The following TEX2 variants were observed in gnomAD, a reference collection of about 807,000 sequenced individuals.
The protein encoded by TEX2 is testis-expressed protein 2.
In TEX2, 53 loss-of-function variants were observed where a neutral mutation model predicts 106.9. The ratio of observed to expected loss-of-function variants is 0.50; its 90% CI spans 0.40 to 0.62. The LOEUF is 0.62. TEX2 is among the 20% of genes least tolerant of loss of function. The probability of loss-of-function intolerance (pLI) is 0.00; values close to 1 mark genes in which losing one functional copy is unlikely to be tolerated. For missense variants in TEX2, 1,207 were observed against 1,379.0 expected, an observed-to-expected ratio of 0.88 and a Z score of 1.98; for synonymous variants, 523 against 534.8, an observed-to-expected ratio of 0.98 and a Z score of 0.30.
chr17:64,175,876 G>C (rs1215229812), intron 6 of TEX2, among the ~76,000 whole-genome samples: 1 of 152,188 alleles, frequency 6.6e-6, no homozygotes. Context: ...GCTTACAGAA[G>C]GGCTCGAGAT....
At chr17:64,227,054 C>T (rs1180976513) in intron 1 of TEX2, among the ~76,000 whole-genome samples, 3 of 151,710 alleles carry the variant, frequency 2.0e-5, no homozygotes, top group Admixed American at 6.6e-5. Flanking sequence ...GGTGAAACCC[C>T]GCCTCTACTG....
At chr17:64,197,817 GCCTC>G (rs1405512228) in intron 2 of TEX2, among the ~76,000 whole-genome samples, 1 of 152,034 alleles carries the variant, frequency 6.6e-6, no homozygotes, top group Admixed American at 6.6e-5. Context: ...TCCCACCTTG[GCCTC>G]CCAAAGTGCT....
At chr17:64,188,569 C>A (rs1364968861) in intron 4 of TEX2, 154 bp from the exon 5 acceptor site, 6 of 1,254,938 alleles carry the variant, frequency 4.8e-6, no homozygotes, top group Non-Finnish European at 6.5e-6. Context: ...GTAATCCCAG[C>A]ACTTTGAGAG....
At chr17:64,171,873 G>A (rs923266490) in intron 6 of TEX2, among the ~76,000 whole-genome samples, 44 of 151,682 alleles carry the variant, frequency 2.9e-4, no homozygotes, top group East Asian at 7.8e-4. Context: ...CCAGCTACTC[G>A]GAGAGGCTGA....
intron 1 of TEX2, among the ~76,000 whole-genome samples, chr17:64,232,115 C>A (rs1169967610): frequency 6.6e-5 from 10 of 152,120 alleles, no homozygotes; most frequent in South Asian, 6.2e-4. Flanking sequence ...ACATATACAT[C>A]GTAATACAAA....
At chr17:64,237,547 T>C (rs1316298360) in intron 1 of TEX2, among the ~76,000 whole-genome samples, 6 of 151,918 alleles carry the variant, frequency 3.9e-5, no homozygotes, top group African/African-American at 1.5e-4. Context: ...ACATTTTAAG[T>C]GAGAGACAAT....
chr17:64,215,473 G>A (rs1434105314), intron 1 of TEX2, among the ~76,000 whole-genome samples: 2 of 152,184 alleles, frequency 1.3e-5, no homozygotes, highest in Non-Finnish European at 2.9e-5. Flanking sequence ...CTGTTTCCAG[G>A]ACAGAGGGTG....
chr17:64,232,315 GT>G (rs2033676826), intron 1 of TEX2, among the ~76,000 whole-genome samples: 2 of 152,118 alleles, frequency 1.3e-5, no homozygotes, highest in South Asian at 4.1e-4. Flanking sequence ...AAGATCTGTA[GT>G]TTCATCAACC....
intron 5 of TEX2, among the ~76,000 whole-genome samples, chr17:64,179,866 C>G (rs897955239): frequency 6.6e-6 from 1 of 152,148 alleles, no homozygotes; most frequent in African/African-American, 2.4e-5. Context: ...GGATTATTCT[C>G]TCTGGGCTTT....
chr17:64,154,829 C>G lies in TEX2; in HGVS notation c.2930+13G>C, dbSNP rs1253706441. The G allele has an allele frequency of 6.3e-7, 1 of 1,583,650 alleles. No individual in the cohort carries two copies. Among genetic ancestry groups the G allele is most frequent in the Non-Finnish European group, 8.6e-7 (1 of 1,165,430 alleles). On this transcript the variant is annotated intron_variant, in intron 9 of 11. Coordinates refer to ENST00000584379, the MANE Select transcript of TEX2 (RefSeq NM_001288732.2). ...CTGGAGACTCAGAGGCACAGAAGCA[C>G]TGATCCACTCACCCTTCAGCCCCTG... is the stretch of plus-strand genomic sequence containing the variant.
Position 64,152,933 on chromosome 17 carries a change from C to A in TEX2, c.3140+12G>T, listed in dbSNP as rs2030428216. ...AGGAATCACTTATTGTCCCTGAGGGCCCTCTACGCACCATACTCGGTCAGT... is the reference window on the plus strand; with the variant it reads ...AGGAATCACTTATTGTCCCTGAGGGACCTCTACGCACCATACTCGGTCAGT... On this transcript the variant is annotated intron_variant, in intron 10 of 11. Transcript: ENST00000584379. The A allele has an allele frequency of 1.9e-6, 3 of 1,611,902 alleles. No homozygotes were observed. The highest frequency in any genetic ancestry group is 2.5e-6 in the Non-Finnish European group (3 of 1,179,248).
At chr17:64,173,695 G>A (rs1307285882) in intron 6 of TEX2, among the ~76,000 whole-genome samples, 1 of 152,146 alleles carries the variant, frequency 6.6e-6, no homozygotes, top group African/African-American at 2.4e-5. Context: ...CCTATAAAAT[G>A]CTACTTGGCT....
Position 64,212,716 on chromosome 17 carries a change from C to T in TEX2, c.1502G>A (p.Gly501Glu). ...TGCAGTCATGAATCCAAGGCCAATTCCCAGAAAGAGTCCACTCACATAGTG... is the reference window on the plus strand; with the variant it reads ...TGCAGTCATGAATCCAAGGCCAATTTCCAGAAAGAGTCCACTCACATAGTG... ...LPHYVSGLFL[G>E]IGLGFMTAVC... Residue 501 changes from glycine (G) to glutamate (E), a missense_variant, in exon 2 of 12, where the codon GGA (glycine) becomes GAA (glutamate). Around this residue, in one of 3 missense-constraint regions of TEX2, gnomAD observed 1,067 missense variants for 1,193.6 expected, o/e 0.89. Coordinates refer to ENST00000584379, the MANE Select transcript of TEX2 (RefSeq NM_001288732.2). 1 of 1,614,112 alleles carries T rather than the reference C, an allele frequency of 6.2e-7. No homozygotes were observed. Among genetic ancestry groups the T allele is most frequent in the South Asian group, 1.1e-5 (1 of 91,070 alleles).
At chr17:64,252,033 C>T (rs1283597546) in intron 1 of TEX2, among the ~76,000 whole-genome samples, 1 of 152,150 alleles carries the variant, frequency 6.6e-6, no homozygotes, top group Non-Finnish European at 1.5e-5. Flanking sequence ...ATATGGAATA[C>T]TCCAACCTTA....
Position 64,212,627 on chromosome 17 carries a change from G to T in TEX2, c.1591C>A (p.Leu531Met), listed in dbSNP as rs1555631700. Residue 531 changes from leucine to methionine, a missense_variant, in exon 2 of 12, where the codon CTG becomes ATG. By Grantham distance (15) the Leu-to-Met change is conservative (BLOSUM62 2). Transcript: ENST00000584379. Reference protein sequence around the residue: ...AHKYHKLHKNLRHWNTRSLDI... With the variant: ...AHKYHKLHKNMRHWNTRSLDI... ...AGAGATCTTGTGTTCCAGTGTCGCA[G>T]ATTTTTGTGTAACTTGTGATATTTA... 5.6e-6 allele frequency: 9 copies of T among 1,614,206 alleles called. No homozygotes were observed. Among genetic ancestry groups the T allele is most frequent in the Non-Finnish European group, 7.6e-6 (9 of 1,180,026 alleles).
At position 64,188,231 on chromosome 17, in the gene TEX2, T is replaced by C; in HGVS notation, c.2361A>G (p.Glu787=). ...GGGGGCTCCTCTGGGGGCTTCGGCT[T>C]TCCTGGGGGACACACCTGCCCATGT... ...SVYMGRCVPQ[E]SRSPQRSPLQ... The change falls in exon 5 of 12, where the codon GAA becomes GAG. Residue 787 remains glutamate (E), a synonymous_variant. Coordinates refer to ENST00000584379, the MANE Select transcript of TEX2 (RefSeq NM_001288732.2). 1 of 1,613,544 alleles carries C rather than the reference T, an allele frequency of 6.2e-7. No individual in the cohort carries two copies. Among genetic ancestry groups the C allele is most frequent in the Non-Finnish European group, 8.5e-7 (1 of 1,180,042 alleles).
Position 64,214,199 on chromosome 17 carries a change from G to T in TEX2, c.19C>A (p.Arg7Ser). The part of the protein sequence containing the change: MTSLYG[R>S]HAEKTTDMPK... ...ATGTCAGTGGTTTTCTCGGCATGGC[G>T]ACCATACAGACTTGTCATTGCCGGC... Residue 7 changes from arginine (R) to serine (S), a missense_variant, in exon 2 of 12, where the codon CGC becomes AGC. Around this residue, in one of 3 missense-constraint regions of TEX2, gnomAD observed 1,067 missense variants for 1,193.6 expected, o/e 0.89. Transcript: ENST00000584379. 6.2e-7 allele frequency: 1 copy of T among 1,613,606 alleles called. No individual in the cohort carries two copies. The highest frequency in any genetic ancestry group is 1.1e-5 in the South Asian group (1 of 91,032).
chr17:64,161,694 A>T (rs577117472), intron 7 of TEX2, among the ~76,000 whole-genome samples: 2 of 152,198 alleles, frequency 1.3e-5, no homozygotes, highest in South Asian at 4.1e-4. Context: ...GTGGTTTAAA[A>T]TGCAAACAGG....
intron 1 of TEX2, among the ~76,000 whole-genome samples, chr17:64,236,179 TA>T (rs1328722553): frequency 2.5e-4 from 38 of 150,500 alleles, no homozygotes; most frequent in African/African-American, 4.2e-4. Context: ...AAAATACAAC[TA>T]AAAAAAAATA....
Sources: gnomAD v4.1 joint callset for allele counts (sites outside exome capture counted in the v4.1 genomes callset) on GRCh38, gnomAD v4.1.1 for gene constraint, gnomAD v4.1.1 regional missense constraint, MANE v1.5 for transcripts, NCBI Gene and HGNC (gene_info 2026-07-23, HGNC 2026-07-21) for gene names.